COL15A1: variants seen among roughly 807,000 people sequenced by gnomAD.
COL15A1 encodes the protein collagen alpha-1(XV) chain.
A neutral mutation model predicts 165.9 loss-of-function variants in COL15A1; 111 were observed. The ratio of observed to expected loss-of-function variants is 0.67; its 90% CI spans 0.57 to 0.78. The LOEUF (loss-of-function observed/expected upper bound fraction) is 0.78, where lower values mean the gene tolerates loss of function less well. Ranked by LOEUF, COL15A1 falls within the 30% of genes least tolerant of loss-of-function variation. The probability of loss-of-function intolerance (pLI) is 0.00; values close to 1 mark genes in which losing one functional copy is unlikely to be tolerated. For synonymous variants in COL15A1, 659 were observed against 674.8 expected, an observed-to-expected ratio of 0.98 and a Z score of 0.36; for missense variants, 1,745 against 1,789.7, an observed-to-expected ratio of 0.98 and a Z score of 0.45.
chr9:99,050,804 T>C (rs1839575074), intron 30 of COL15A1, among the ~76,000 whole-genome samples: 2 of 152,196 alleles, frequency 1.3e-5, no homozygotes, highest in African/African-American at 4.8e-5. Flanking sequence ...TTGATCCCTG[T>C]TGGAGGTGAT....
In COL15A1 at chr9:99,016,017, G is replaced by A. The variant is rs772730176; in HGVS notation, c.1545G>A (p.Glu515=). The A allele has an allele frequency of 1.9e-6, 3 of 1,614,094 alleles. No individual in the cohort carries two copies. The highest frequency in any genetic ancestry group is 2.5e-6 in the Non-Finnish European group (3 of 1,179,988). ...DEEDLAAATT[E]EPLITAGGEE... is the part of the protein sequence containing the mutation. ...AAGACTTGGCAGCAGCCACAACAGAGGAGCCCCTCATCACAGCTGGGGGTG... is the reference window on the plus strand; with the variant it reads ...AAGACTTGGCAGCAGCCACAACAGAAGAGCCCCTCATCACAGCTGGGGGTG... Residue 515 remains glutamate, a synonymous_variant, in exon 11 of 42, where the codon GAG becomes GAA. Transcript: ENST00000375001.
At chr9:99,024,268 G>GTTTTGTTTTTTTTTTTTTTT (rs1839078426) in intron 14 of COL15A1, among the ~76,000 whole-genome samples, 2 of 131,460 alleles carry the variant, frequency 1.5e-5, no homozygotes, top group Non-Finnish European at 3.2e-5. Flanking sequence ...ACCACAAGCA[G>GTTTTGTTTTTTTTTTTTTTT]TTTTTTTTGT....
chr9:99,026,731 T>G (rs1049566068), intron 16 of COL15A1, among the ~76,000 whole-genome samples: 12 of 152,208 alleles, frequency 7.9e-5, no homozygotes, highest in African/African-American at 2.9e-4. Context: ...AGATACATCC[T>G]CTGGGGAGCT....
At chr9:98,950,337 G>A (rs1022219800) in intron 2 of COL15A1, among the ~76,000 whole-genome samples, 11 of 152,142 alleles carry the variant, frequency 7.2e-5, no homozygotes, top group African/African-American at 4.8e-5. Context: ...GCACATCATC[G>A]CCAATGCTTG....
intron 39 of COL15A1, among the ~76,000 whole-genome samples, chr9:99,066,144 G>A (rs1301047909): frequency 6.6e-6 from 1 of 152,046 alleles, no homozygotes; most frequent in Non-Finnish European, 1.5e-5. Context: ...GGAGATGAGT[G>A]TTCCTTGATT....
At chr9:99,025,991 AC>A in intron 16 of COL15A1, 25 bp downstream of exon 16, 1 of 1,595,568 alleles carries the variant, frequency 6.3e-7, no homozygotes, top group East Asian at 2.2e-5. Context: ...GGAGGGTCCC[AC>A]CACATGGGAG....
chr9:99,002,607 G>T (rs1031635089), intron 7 of COL15A1, among the ~76,000 whole-genome samples: 2 of 152,162 alleles, frequency 1.3e-5, no homozygotes, highest in Non-Finnish European at 2.9e-5. Flanking sequence ...TGCCCTTTGG[G>T]GCTTTAGCTG....
chr9:98,998,268 C>A (rs974146062), intron 6 of COL15A1, among the ~76,000 whole-genome samples: 1 of 152,118 alleles, frequency 6.6e-6, no homozygotes, highest in African/African-American at 2.4e-5. Context: ...TAATACAAGT[C>A]TTCTACAATA....
intron 5 of COL15A1, among the ~76,000 whole-genome samples, chr9:98,991,219 C>A (rs979692738): frequency 2.6e-5 from 4 of 151,594 alleles, no homozygotes; most frequent in Middle Eastern, 3.2e-3. Flanking sequence ...ACCAAGTTGC[C>A]GCTGCTCACT....
Position 98,944,241 on chromosome 9 carries a change from G to A in COL15A1, c.91G>A (p.Gly31Ser), listed in dbSNP as rs145179644. ...CCTCCCTGCTGTCACCCAGACCCGC[G>A]GTGCGACAGGTAAGCAACCCGGTCG... is the stretch of plus-strand genomic sequence containing the variant. The part of the protein sequence containing the change: ...TPLPAVTQTR[G>S]ATETASQGHL... Residue 31 changes from glycine (G) to serine (S), a missense_variant, in exon 2 of 42, where the codon GGT becomes AGT. By Grantham distance (56) the Gly-to-Ser change is moderately conservative. Coordinates refer to ENST00000375001, the MANE Select transcript of COL15A1 (RefSeq NM_001855.5). The A allele has an allele frequency of 3.1e-6, 5 of 1,613,692 alleles. No individual in the cohort carries two copies. The South Asian group carries it at 4.4e-5, about 14-fold the overall frequency.
chr9:98,946,345 C>T (rs1206623969), intron 2 of COL15A1, among the ~76,000 whole-genome samples: 2 of 152,098 alleles, frequency 1.3e-5, no homozygotes, highest in Non-Finnish European at 2.9e-5. Context: ...TCTTAACCAT[C>T]CTAGTGTGTA....
chr9:98,943,913 C>CCCG lies in COL15A1; in HGVS notation c.-138_-136dup, dbSNP rs1837529645. 1.8e-5 allele frequency: 19 copies of CCCG among 1,055,318 alleles called. No individual in the cohort carries two copies. Among genetic ancestry groups the CCCG allele is most frequent in the Non-Finnish European group, 2.3e-5 (18 of 785,484 alleles). The allele number at this position is 1,055,318 out of a possible 1,614,324, so 65.4% of individuals were successfully genotyped here. ...GCGCGGGCCGGGAGCCGGGATTCTGCCCGCCGCCGCCGCTGCCGAGCGCCG... is the reference window on the plus strand; with the variant it reads ...GCGCGGGCCGGGAGCCGGGATTCTGCCCGCCGCCGCCGCCGCTGCCGAGCGCCG... On this transcript the variant is annotated 5_prime_UTR_variant, in exon 1 of 42. Transcript: ENST00000375001.
intron 16 of COL15A1, among the ~76,000 whole-genome samples, chr9:99,028,333 A>G (rs1179154385): frequency 6.6e-6 from 1 of 152,176 alleles, no homozygotes; most frequent in Non-Finnish European, 1.5e-5. Flanking sequence ...AGTATGAGCT[A>G]AGCTATGAGG....
rs139046608 is a variant in COL15A1 at position 99,009,547 on chromosome 9, T to A, written c.1353+4497T>A. Among the ~76,000 whole-genome samples the A allele has an allele frequency of 2.3e-3, 355 of 152,250 alleles. 2 individuals are homozygous for A. Among genetic ancestry groups the A allele is most frequent in the African/African-American group, 8.3e-3 (345 of 41,546 alleles). On this transcript the variant is annotated intron_variant, in intron 9 of 41. Transcript: ENST00000375001. ...TTTCTTGGTTCTGAAAATCAAAAAA[T>A]TAATGGGACCTAAGTTAGAATTTGA...
At chr9:98,998,096 T>A (rs1037467136) in intron 6 of COL15A1, among the ~76,000 whole-genome samples, 1 of 152,242 alleles carries the variant, frequency 6.6e-6, no homozygotes, top group Non-Finnish European at 1.5e-5. Flanking sequence ...TTTGAATATA[T>A]GTTATTTATA....
intron 11 of COL15A1, 27 bp downstream of exon 11, chr9:99,016,146 G>C: frequency 6.3e-7 from 1 of 1,577,288 alleles, no homozygotes; most frequent in African/African-American, 1.4e-5. Flanking sequence ...TGTAAGATTT[G>C]ACTTGGCAGA....
At chr9:98,962,213 A>G (rs952551071) in intron 2 of COL15A1, among the ~76,000 whole-genome samples, 17 of 152,220 alleles carry the variant, frequency 1.1e-4, no homozygotes, top group African/African-American at 3.9e-4. Context: ...TTGCCAGGGA[A>G]CAGAAATGCG....
Position 98,976,765 on chromosome 9 carries a change from A to C in COL15A1, c.101-8800A>C, listed in dbSNP as rs141050393. ...GGGAGAAGTGGACGCCAGTTCCTAC[A>C]CTTAAGGAGGTTCCAAGATGGTAGG... is the stretch of plus-strand genomic sequence containing the variant. On this transcript the variant is annotated intron_variant, in intron 2 of 41. Transcript: ENST00000375001. Among the ~76,000 whole-genome samples, 280 of 152,278 alleles carry C rather than the reference A, an allele frequency of 1.8e-3. 1 individual carries two copies. Among genetic ancestry groups the C allele is most frequent in the African/African-American group, 6.3e-3 (263 of 41,546 alleles).
intron 34 of COL15A1, among the ~76,000 whole-genome samples, chr9:99,055,597 G>A (rs974116918): frequency 6.6e-6 from 1 of 152,190 alleles, no homozygotes; most frequent in South Asian, 2.1e-4. Flanking sequence ...GTAACTTCCA[G>A]GCCATTAGTC....
Sources: gnomAD v4.1 joint callset for allele counts (sites outside exome capture counted in the v4.1 genomes callset) on GRCh38, gnomAD v4.1.1 for gene constraint, MANE v1.5 for transcripts, NCBI Gene and HGNC (gene_info 2026-07-23, HGNC 2026-07-21) for gene names.